GRIK3: variants seen among roughly 807,000 people sequenced by gnomAD.
GRIK3 encodes glutamate receptor ionotropic, kainate 3.
A neutral mutation model predicts 102.5 loss-of-function variants in GRIK3; 29 were observed. That is an observed-to-expected ratio of 0.28 (90% CI 0.21 to 0.39). The LOEUF is 0.39. Ranked by LOEUF, GRIK3 falls within the 10% of genes least tolerant of loss-of-function variation. GRIK3 has a pLI of 1.00. For synonymous variants in GRIK3, 511 were observed against 504.9 expected (o/e 1.01, Z -0.16); for missense variants, 908 against 1,252.4 (o/e 0.73, Z 4.15).
intron 1 of GRIK3, among the ~76,000 whole-genome samples, chr1:36,946,932 A>G (rs1424859028): frequency 6.6e-6 from 1 of 152,166 alleles, no homozygotes; most frequent in Non-Finnish European, 1.5e-5. Flanking sequence ...CTGGCTCAGA[A>G]GGGGTAAGAA....
At chr1:36,990,016 A>G (rs1642348039) in intron 1 of GRIK3, among the ~76,000 whole-genome samples, 2 of 152,140 alleles carry the variant, frequency 1.3e-5, no homozygotes, top group Admixed American at 1.3e-4. Flanking sequence ...ACCTTGCATA[A>G]GGGAGGGCAG....
intron 1 of GRIK3, among the ~76,000 whole-genome samples, chr1:36,955,641 T>C (rs954416158): frequency 6.6e-6 from 1 of 152,186 alleles, no homozygotes; most frequent in African/African-American, 2.4e-5. Flanking sequence ...CAGCCAAGCA[T>C]ACTGAACAGG....
chr1:36,839,782 T>C (rs1211244521), intron 10 of GRIK3, among the ~76,000 whole-genome samples: 2 of 152,178 alleles, frequency 1.3e-5, no homozygotes, highest in East Asian at 3.9e-4. Context: ...CATTTGAGTC[T>C]CCTATTAGAC....
intron 1 of GRIK3, among the ~76,000 whole-genome samples, chr1:36,983,446 G>C (rs1474258232): frequency 6.6e-6 from 1 of 152,048 alleles, no homozygotes. Context: ...ATAACTCCAG[G>C]GAACACTCAT....
At chr1:36,938,799 A>G (rs1641687888) in intron 1 of GRIK3, among the ~76,000 whole-genome samples, 1 of 152,270 alleles carries the variant, frequency 6.6e-6, no homozygotes, top group Non-Finnish European at 1.5e-5. Flanking sequence ...AAGATTAGCC[A>G]ATGGAGTCCT....
intron 1 of GRIK3, among the ~76,000 whole-genome samples, chr1:36,982,067 G>A (rs1570842865): frequency 1.3e-5 from 2 of 152,140 alleles, no homozygotes; most frequent in East Asian, 1.9e-4. Flanking sequence ...ACTCCCTCCG[G>A]CTCCTGAATC....
intron 2 of GRIK3, among the ~76,000 whole-genome samples, chr1:36,881,961 G>T (rs1397666779): frequency 6.6e-6 from 1 of 151,986 alleles, no homozygotes; most frequent in Non-Finnish European, 1.5e-5. Context: ...GTCCTCTCTG[G>T]CTGGAATGCT....
chr1:36,962,350 C>T lies in GRIK3; in HGVS notation c.116-71254G>A, dbSNP rs1369460195. 2.6e-5 allele frequency among the ~76,000 whole-genome samples: 4 copies of T among 152,136 alleles called. No homozygotes were observed. The East Asian group carries it at 7.7e-4, about 29-fold the overall frequency. On this transcript the variant is annotated intron_variant, in intron 1 of 15. Coordinates refer to ENST00000373091, the MANE Select transcript of GRIK3 (RefSeq NM_000831.4). ...TCGGTCCATTCCCAGAAACAAGCCA[C>T]AGATGGAAGATCCTAGCCTCAGGTC...
rs987262966 is a variant in GRIK3, at chr1:36,850,625, G to T, written c.1213-201C>A. 1.3e-5 allele frequency among the ~76,000 whole-genome samples: 2 copies of T among 152,206 alleles called. No individual in the cohort carries two copies. Among genetic ancestry groups the T allele is most frequent in the South Asian group, 2.1e-4 (1 of 4,834 alleles). On this transcript the variant is annotated intron_variant, in intron 8 of 15. Transcript: ENST00000373091. The surrounding 1 kb of genome is among the most constrained non-coding windows in gnomAD (Gnocchi z 4.0). ...CAGCTCTCCCTCCTCTCCTGACGAGGGTCCCAGGGTGTCGAATCTCTGAAT... is the reference window on the plus strand; with the variant it reads ...CAGCTCTCCCTCCTCTCCTGACGAGTGTCCCAGGGTGTCGAATCTCTGAAT...
chr1:36,870,269 G>A (rs1228609147), intron 4 of GRIK3, among the ~76,000 whole-genome samples: 1 of 152,042 alleles, frequency 6.6e-6, no homozygotes, highest in Non-Finnish European at 1.5e-5. Flanking sequence ...GGCCTGAGCT[G>A]GGAGGTCTGT....
intron 1 of GRIK3, among the ~76,000 whole-genome samples, chr1:36,904,016 A>G (rs187033144): frequency 1.2e-3 from 176 of 152,192 alleles, no homozygotes; most frequent in African/African-American, 4.1e-3. Context: ...TAACAAATGT[A>G]CCTCTCTGGT....
intron 13 of GRIK3, among the ~76,000 whole-genome samples, chr1:36,814,518 C>G (rs57196465): frequency 7.3e-6 from 1 of 136,396 alleles, no homozygotes; most frequent in African/African-American, 2.7e-5. Context: ...GACCCCCCCC[C>G]CCCACACACA....
intron 1 of GRIK3, among the ~76,000 whole-genome samples, chr1:36,989,518 G>C (rs946967809): frequency 6.6e-6 from 1 of 152,236 alleles, no homozygotes. Flanking sequence ...GCCGCCAAGC[G>C]CTCCTCCCGG....
chr1:36,984,496 T>C (rs1168342081), intron 1 of GRIK3, among the ~76,000 whole-genome samples: 1 of 152,142 alleles, frequency 6.6e-6, no homozygotes, highest in East Asian at 1.9e-4. Context: ...AATCCACAAA[T>C]GGCTCCTTCC....
rs901513106 is a variant in GRIK3 at position 37,028,388 on chromosome 1, A to G, written c.115+5606T>C. Among the ~76,000 whole-genome samples the G allele has an allele frequency of 3.1e-4, 47 of 152,110 alleles. 2 individuals carry two copies. Among genetic ancestry groups the G allele is most frequent in the Non-Finnish European group, 1.2e-4 (8 of 68,006 alleles). On this transcript the variant is annotated intron_variant, in intron 1 of 15. Transcript: ENST00000373091. Reference sequence around the variant, plus strand: ...ATTTAGGGCTTAGATTAAAGCCTCAAGCAGAGTCCAGAAGCCAGGACAATG... The same window carrying G: ...ATTTAGGGCTTAGATTAAAGCCTCAGGCAGAGTCCAGAAGCCAGGACAATG...
intron 1 of GRIK3, among the ~76,000 whole-genome samples, chr1:36,921,309 A>G (rs1641468534): frequency 6.6e-6 from 1 of 152,176 alleles, no homozygotes; most frequent in Non-Finnish European, 1.5e-5. Flanking sequence ...TCTGCCACCT[A>G]CCAGCTGCAT....
chr1:36,820,264 T>G (rs932266082), intron 11 of GRIK3, among the ~76,000 whole-genome samples: 1 of 152,208 alleles, frequency 6.6e-6, no homozygotes. Context: ...ACAACTATAC[T>G]GTGAAATATT....
chr1:36,836,000 C>G (rs920041490), intron 10 of GRIK3, among the ~76,000 whole-genome samples: 1 of 152,218 alleles, frequency 6.6e-6, no homozygotes, highest in African/African-American at 2.4e-5. Context: ...TCTGGGCAAC[C>G]TGGCTGCTCC....
At chr1:36,868,888 C>T (rs1027665412) in intron 5 of GRIK3, among the ~76,000 whole-genome samples, 1 of 152,184 alleles carries the variant, frequency 6.6e-6, no homozygotes, top group Non-Finnish European at 1.5e-5. Context: ...TAGCTGGGTG[C>T]TGGATAAATG....
Sources: gnomAD v4.1 joint callset for allele counts (sites outside exome capture counted in the v4.1 genomes callset) on GRCh38, gnomAD v4.1.1 for gene constraint, Gnocchi (gnomAD v3.1) non-coding constraint, MANE v1.5 for transcripts, NCBI Gene and HGNC (gene_info 2026-07-23, HGNC 2026-07-21) for gene names.